ATP1A4: variants seen among roughly 807,000 people sequenced by gnomAD.
ATP1A4 encodes the protein sodium/potassium-transporting ATPase subunit alpha-4.
Under a neutral mutation model 114.3 loss-of-function variants are expected in ATP1A4, and 90 were observed. The observed-to-expected ratio is 0.79, with a 90% CI of 0.66 to 0.94. The LOEUF (loss-of-function observed/expected upper bound fraction) is 0.94, where lower values mean the gene tolerates loss of function less well. Ranked by LOEUF, ATP1A4 falls within the 40% of genes least tolerant of loss-of-function variation. The pLI is 0.00. For synonymous variants in ATP1A4, 511 were observed against 494.1 expected, an observed-to-expected ratio of 1.03 and a Z score of -0.45; for missense variants, 1,222 against 1,313.6, an observed-to-expected ratio of 0.93 and a Z score of 1.08.
In ATP1A4 at chr1:160,174,306, T is replaced by C. The variant is rs374724548; in HGVS notation, c.2142+45T>C. On this transcript the variant is annotated intron_variant, in intron 14 of 21. Transcript: ENST00000368081. The stretch of plus-strand genomic sequence containing the variant: ...CCCAAGGAAACTGGCAGAACTCCTG[T>C]GGCTTAGCCCCGTCCCAAACCAAGC... 1.9e-6 allele frequency: 3 copies of C among 1,612,792 alleles called. No individual in the cohort carries two copies. In the African/African-American group the frequency reaches 4.0e-5, roughly 22 times the overall value.
chr1:160,175,374 T>C (rs1230548785), intron 15 of ATP1A4, among the ~76,000 whole-genome samples: 1 of 152,052 alleles, frequency 6.6e-6, no homozygotes, highest in Admixed American at 6.6e-5. Context: ...CCTTGTATAA[T>C]CCTGACACTT....
chr1:160,176,692 A>T (rs1319615272), intron 17 of ATP1A4, 90 bp downstream of exon 17: 2 of 1,543,482 alleles, frequency 1.3e-6, no homozygotes, highest in African/African-American at 2.7e-5. Context: ...AGTCAGGGAG[A>T]TATTTTCTCA....
In ATP1A4 at chr1:160,153,161, T is replaced by G. The variant is rs1652516847; in HGVS notation, c.148-4T>G. 1.9e-6 allele frequency: 3 copies of G among 1,613,680 alleles called. No homozygotes were observed. The highest frequency in any genetic ancestry group is 2.2e-5 in the South Asian group (2 of 91,078). On this transcript the variant is annotated splice_polypyrimidine_tract_variant and splice_region_variant and intron_variant, in intron 1 of 21. Coordinates refer to ENST00000368081, the MANE Select transcript of ATP1A4 (RefSeq NM_144699.4). The stretch of plus-strand genomic sequence containing the variant: ...GTCCCTCAATGCCTCTACTGTCCCC[T>G]CAGGATGATCACAAATTAACCTTGG...
chr1:160,161,141 C>T (rs116115721), intron 6 of ATP1A4, among the ~76,000 whole-genome samples: 468 of 152,264 alleles, frequency 3.1e-3, no homozygotes, highest in Admixed American at 8.0e-3. Context: ...AGGAGCTGGG[C>T]GGAAGGACTT....
At chr1:160,182,995 A>C (rs1030510877) in intron 20 of ATP1A4, 1 of 152,210 alleles carries the variant, frequency 6.6e-6, no homozygotes, top group Non-Finnish European at 1.5e-5. Context: ...ATTTCTATGC[A>C]TGTCTCTACT....
Position 160,177,661 on chromosome 1 carries a change from G to GT in ATP1A4, c.2734dup (p.Trp912LeufsTer4). On this transcript the variant is annotated frameshift_variant, in exon 18 of 22. Transcript: ENST00000368081. LOFTEE classifies it high-confidence loss of function. Reference sequence around the variant, plus strand: ...ACCTGGAGGACAGCTACGGACAGCAGTGGGTGAGTAGAAGGGATAAGGTAG... The same window carrying GT: ...ACCTGGAGGACAGCTACGGACAGCAGTTGGGTGAGTAGAAGGGATAAGGTAG... 1 of 1,614,232 alleles carries GT rather than the reference G, an allele frequency of 6.2e-7. No homozygotes were observed. The highest frequency in any genetic ancestry group is 2.2e-5 in the East Asian group (1 of 44,892).
rs112364816 is a variant in ATP1A4 at position 160,185,305 on chromosome 1, G to A, written c.2970-971G>A. Among the ~76,000 whole-genome samples, 22 of 152,046 alleles carry A rather than the reference G, an allele frequency of 1.4e-4. 1 individual carries two copies. The highest frequency in any genetic ancestry group is 4.2e-4 in the South Asian group (2 of 4,798). On this transcript the variant is annotated intron_variant, in intron 20 of 21. Coordinates refer to ENST00000368081, the MANE Select transcript of ATP1A4 (RefSeq NM_144699.4). The stretch of plus-strand genomic sequence containing the variant: ...TTTTTGTATTTTTAGTAGAGACGGC[G>A]TTTCACCATGTTGGTCAGGCTGGTC...
intron 18 of ATP1A4, among the ~76,000 whole-genome samples, 192 bp from the exon 19 acceptor site, chr1:160,181,492 T>C (rs535813564): frequency 2.0e-5 from 3 of 149,718 alleles, no homozygotes; most frequent in Admixed American, 1.3e-4. Flanking sequence ...GAGGCGGAGG[T>C]TGCAGTAAGC....
intron 20 of ATP1A4, 35 bp from the exon 21 acceptor site, chr1:160,186,241 C>A: frequency 2.1e-6 from 3 of 1,459,776 alleles, no homozygotes; most frequent in South Asian, 1.1e-5. Context: ...GCATCTCTCT[C>A]TCCTGCCATG....
chr1:160,164,805 A>T (rs961241989), intron 7 of ATP1A4, among the ~76,000 whole-genome samples: 9 of 152,272 alleles, frequency 5.9e-5, no homozygotes, highest in African/African-American at 1.9e-4. Context: ...TATAAATTCA[A>T]CCTTTCAACC....
rs747686600 is a variant in ATP1A4, at chr1:160,186,947, T to A, written c.*248T>A. On this transcript the variant is annotated 3_prime_UTR_variant, in exon 22 of 22. Coordinates refer to ENST00000368081, the MANE Select transcript of ATP1A4 (RefSeq NM_144699.4). ...TGGTCCTGCTGAATCCCGTAGCCAGTCTAGACAGTAAATGTCTGGAAAAGC... is the reference window on the plus strand; with the variant it reads ...TGGTCCTGCTGAATCCCGTAGCCAGACTAGACAGTAAATGTCTGGAAAAGC... 3.4e-5 allele frequency: 19 copies of A among 557,966 alleles called. No individual in the cohort carries two copies. The highest frequency in any genetic ancestry group is 4.7e-4 in the Middle Eastern group (1 of 2,140). The allele number at this position is 557,966 out of a possible 1,614,324, so 34.6% of individuals were successfully genotyped here.
intron 12 of ATP1A4, among the ~76,000 whole-genome samples, chr1:160,173,250 C>G (rs572039274): frequency 3.1e-4 from 47 of 152,306 alleles, no homozygotes. Flanking sequence ...ACCACTTGTT[C>G]TATGTGTAGG....
At chr1:160,184,448 G>A (rs1007769057) in intron 20 of ATP1A4, among the ~76,000 whole-genome samples, 2 of 152,158 alleles carry the variant, frequency 1.3e-5, no homozygotes, top group Admixed American at 6.5e-5. Context: ...TCAGGAGGCT[G>A]AGGCAGTAGG....
At chr1:160,158,722 A>G (rs1571012802) in intron 4 of ATP1A4, among the ~76,000 whole-genome samples, 1 of 152,202 alleles carries the variant, frequency 6.6e-6, no homozygotes, top group Non-Finnish European at 1.5e-5. Flanking sequence ...CATTCATTCT[A>G]TGGGCCAAAG....
intron 6 of ATP1A4, among the ~76,000 whole-genome samples, chr1:160,161,953 C>A (rs891001403): frequency 3.9e-5 from 6 of 152,208 alleles, no homozygotes; most frequent in African/African-American, 1.2e-4. Flanking sequence ...ATTGGTCCTA[C>A]TGGAAACCCT....
In ATP1A4 at chr1:160,159,026, G is replaced by A. The variant is rs1652773696; in HGVS notation, c.550G>A (p.Glu184Lys). The change falls in exon 5 of 22, where the codon GAG becomes AAG. Residue 184 changes from glutamate (E) to lysine (K), a missense_variant. By Grantham distance (56) the Glu-to-Lys change is moderately conservative. Transcript: ENST00000368081. ...GCAAGCTCTGGTAATTCGAGGAGGA[G>A]AGAAGATGCAAATTAATGTACAAGA... ...PQQALVIRGG[E>K]KMQINVQEVV... 1.2e-6 allele frequency: 2 copies of A among 1,613,960 alleles called. No homozygotes were observed. The highest frequency in any genetic ancestry group is 1.7e-5 in the Admixed American group (1 of 59,998).
At chr1:160,171,838 C>A in intron 12 of ATP1A4, 81 bp downstream of exon 12, 1 of 1,361,112 alleles carries the variant, frequency 7.3e-7, no homozygotes, top group Non-Finnish European at 1.0e-6. Context: ...AGAGTAGATG[C>A]TTAATACCCT....
chr1:160,155,410 AT>A (rs1276336183), intron 3 of ATP1A4, among the ~76,000 whole-genome samples, 162 bp downstream of exon 3: 1 of 152,110 alleles, frequency 6.6e-6, no homozygotes, highest in Non-Finnish European at 1.5e-5. Context: ...TATAAATGTA[AT>A]TGATTGTAAT....
Position 160,171,445 on chromosome 1 carries a change from G to C in ATP1A4, c.1681+5G>C. On this transcript the variant is annotated splice_donor_5th_base_variant and intron_variant, in intron 11 of 21. Coordinates refer to ENST00000368081, the MANE Select transcript of ATP1A4 (RefSeq NM_144699.4). ...GTCTGGGGGAACGTGTGCTAGGTGA[G>C]GAGCTTTGGGAGAAGTTTTTAAAAG... 6.2e-7 allele frequency: 1 copy of C among 1,611,274 alleles called. No individual in the cohort carries two copies. Among genetic ancestry groups the C allele is most frequent in the Non-Finnish European group, 8.5e-7 (1 of 1,178,110 alleles).
Sources: gnomAD v4.1 joint callset for allele counts (sites outside exome capture counted in the v4.1 genomes callset) on GRCh38, gnomAD v4.1.1 for gene constraint, MANE v1.5 for transcripts, NCBI Gene and HGNC (gene_info 2026-07-23, HGNC 2026-07-21) for gene names.